Variants in NUDT3 observed in about 807,000 individuals in gnomAD.
The protein encoded by NUDT3 is nudix hydrolase 3, also known as diphosphoinositol polyphosphate phosphohydrolase 1.
In NUDT3, 9 loss-of-function variants were observed where a neutral mutation model predicts 23.6. The ratio of observed to expected loss-of-function variants is 0.38; its 90% CI spans 0.23 to 0.66. NUDT3 has a LOEUF of 0.66. Among genes scored for constraint, NUDT3 ranks in the 30% least tolerant of loss-of-function variants. The pLI, the probability that NUDT3 is intolerant of heterozygous loss-of-function variation, is 0.52. For missense variants in NUDT3, 172 were observed against 218.5 expected (o/e 0.79, Z 1.34); for synonymous variants, 86 against 82.6 (o/e 1.04, Z -0.22).
intron 1 of NUDT3, among the ~76,000 whole-genome samples, chr6:34,343,643 A>G (rs958363634): frequency 6.6e-6 from 1 of 152,186 alleles, no homozygotes; most frequent in African/African-American, 2.4e-5. Context: ...CACATTTAGA[A>G]GAAAACACAG....
chr6:34,359,846 T>G (rs1380467226), intron 1 of NUDT3, among the ~76,000 whole-genome samples: 1 of 152,178 alleles, frequency 6.6e-6, no homozygotes, highest in Non-Finnish European at 1.5e-5. Flanking sequence ...CCCACTAAAC[T>G]TCCACAGCAG....
At chr6:34,314,548 G>A (rs1308031142) in intron 2 of NUDT3, among the ~76,000 whole-genome samples, 13 of 146,242 alleles carry the variant, frequency 8.9e-5, no homozygotes, top group African/African-American at 2.8e-4. Flanking sequence ...AACAGAGTGA[G>A]ACTCTGTCTC....
intron 1 of NUDT3, among the ~76,000 whole-genome samples, chr6:34,369,520 G>C (rs904131416): frequency 6.6e-6 from 1 of 152,192 alleles, no homozygotes; most frequent in Non-Finnish European, 1.5e-5. Context: ...TGAAGTCACA[G>C]TTAAGGAGAG....
At chr6:34,300,786 C>T (rs1294186844) in intron 2 of NUDT3, among the ~76,000 whole-genome samples, 2 of 152,172 alleles carry the variant, frequency 1.3e-5, no homozygotes, top group African/African-American at 4.8e-5. Flanking sequence ...TGTTATTATT[C>T]GTAGCTGAAA....
Position 34,392,604 on chromosome 6 carries a change from C to T in NUDT3, c.-242G>A, listed in dbSNP as rs533537364. The T allele has an allele frequency of 3.3e-4, 96 of 291,678 alleles. No individual in the cohort carries two copies. The highest frequency in any genetic ancestry group is 1.9e-3 in the African/African-American group (84 of 45,224). The allele number at this position is 291,678 out of a possible 1,614,324, so 18.1% of individuals were successfully genotyped here. ...CTCCGCTGCCGCCAGGGCCGCCGCC[C>T]CCTCTGCCGCCGCCACCCCCGACGA... On this transcript the variant is annotated 5_prime_UTR_variant, in exon 1 of 5. Coordinates refer to ENST00000607016, the MANE Select transcript of NUDT3 (RefSeq NM_006703.4).
At chr6:34,338,001 T>C (rs1156319421) in intron 2 of NUDT3, among the ~76,000 whole-genome samples, 1 of 152,234 alleles carries the variant, frequency 6.6e-6, no homozygotes, top group African/African-American at 2.4e-5. Flanking sequence ...CAACTGGCCC[T>C]ACCACACTTA....
chr6:34,347,792 G>A (rs373647607), intron 1 of NUDT3, among the ~76,000 whole-genome samples: 1 of 151,846 alleles, frequency 6.6e-6, no homozygotes, highest in Admixed American at 6.6e-5. Context: ...GTAATTATAC[G>A]GAGTGAGAAA....
chr6:34,383,861 A>C (rs1006988026), intron 1 of NUDT3, among the ~76,000 whole-genome samples: 1 of 152,182 alleles, frequency 6.6e-6, no homozygotes, highest in African/African-American at 2.4e-5. Flanking sequence ...GGCAAACAGA[A>C]GGGAAAGCAG....
At chr6:34,335,596 A>G (rs890695475) in intron 2 of NUDT3, among the ~76,000 whole-genome samples, 6 of 151,914 alleles carry the variant, frequency 3.9e-5, no homozygotes, top group African/African-American at 1.4e-4. Flanking sequence ...TGAATAATTT[A>G]TTTCTGACTC....
At chr6:34,328,307 C>T (rs1230385466) in intron 2 of NUDT3, among the ~76,000 whole-genome samples, 2 of 152,130 alleles carry the variant, frequency 1.3e-5, no homozygotes, top group East Asian at 1.9e-4. Flanking sequence ...TATACATTTA[C>T]GGTGTACTGC....
At chr6:34,344,021 T>C (rs1025895911) in intron 1 of NUDT3, among the ~76,000 whole-genome samples, 68 of 152,130 alleles carry the variant, frequency 4.5e-4, no homozygotes, top group African/African-American at 1.5e-3. Context: ...TATAATTCAA[T>C]CAACCAAACA....
intron 2 of NUDT3, among the ~76,000 whole-genome samples, chr6:34,304,389 A>AC (rs1025510359): frequency 6.6e-6 from 1 of 151,556 alleles, no homozygotes; most frequent in Non-Finnish European, 1.5e-5. Context: ...ACATAGTGAG[A>AC]CCCCATATCG....
intron 2 of NUDT3, among the ~76,000 whole-genome samples, chr6:34,332,726 C>A (rs1581871364): frequency 6.6e-6 from 1 of 152,184 alleles, no homozygotes; most frequent in Non-Finnish European, 1.5e-5. Flanking sequence ...ATTTTTATAT[C>A]CATCAGGGGT....
In NUDT3 at chr6:34,373,527, C is replaced by T. The variant is rs750565177; in HGVS notation, c.99+18737G>A. ...AGGAGAGAACTCTGGTAACTTATAACGTAATGGGCTCAAAAGAGGCTATTT... is the reference window on the plus strand; with the variant it reads ...AGGAGAGAACTCTGGTAACTTATAATGTAATGGGCTCAAAAGAGGCTATTT... On this transcript the variant is annotated intron_variant, in intron 1 of 4. Coordinates refer to ENST00000607016, the MANE Select transcript of NUDT3 (RefSeq NM_006703.4). 5.3e-5 allele frequency among the ~76,000 whole-genome samples: 8 copies of T among 152,062 alleles called. No homozygotes were observed. The Middle Eastern group carries it at 0.01, about 194-fold the overall frequency.
Position 34,288,876 on chromosome 6 carries a change from G to A in NUDT3, c.396C>T (p.His132=), listed in dbSNP as rs112496371. Residue 132 remains histidine, a synonymous_variant, in exon 5 of 5, where the codon CAC becomes CAT. Coordinates refer to ENST00000607016, the MANE Select transcript of NUDT3 (RefSeq NM_006703.4). The stretch of plus-strand genomic sequence containing the variant: ...CAAAATATGATGCCTGCACGGGTTT[G>A]TGATACTGCAGCACTTTTATGGCGT... ...IEDAIKVLQY[H]KPVQASYFET... 3.1e-6 allele frequency: 5 copies of A among 1,614,054 alleles called. No individual in the cohort carries two copies. The highest frequency in any genetic ancestry group is 4.2e-6 in the Non-Finnish European group (5 of 1,179,964).
chr6:34,320,660 C>T (rs148815390), intron 2 of NUDT3, among the ~76,000 whole-genome samples: 2,421 of 152,090 alleles, frequency 0.016, 63 homozygotes, highest in African/African-American at 0.056. Flanking sequence ...ATGGTGAAAC[C>T]CCATTTCTAC....
At chr6:34,356,236 C>G (rs942659997) in intron 1 of NUDT3, among the ~76,000 whole-genome samples, 2 of 152,066 alleles carry the variant, frequency 1.3e-5, no homozygotes, top group Non-Finnish European at 2.9e-5. Context: ...AAATATCTTA[C>G]GTACCCACAA....
rs1365775558 is a variant in NUDT3, at chr6:34,362,276, T to TC, written c.100-20305dup. Among the ~76,000 whole-genome samples the TC allele has an allele frequency of 2.0e-5, 3 of 152,288 alleles. No homozygotes were observed. The East Asian group carries it at 5.8e-4, about 29-fold the overall frequency. Reference sequence around the variant, plus strand: ...CTCAGGCTAGAGTGCAGTGGCATGATCATAGCTCACTGCCACCTCAGCCTC... The same window carrying TC: ...CTCAGGCTAGAGTGCAGTGGCATGATCCATAGCTCACTGCCACCTCAGCCTC... On this transcript the variant is annotated intron_variant, in intron 1 of 4. Transcript: ENST00000607016.
chr6:34,295,664 C>CCAAT lies in NUDT3; in HGVS notation c.228_231dup (p.Gly78IlefsTer9). On this transcript the variant is annotated frameshift_variant, in exon 3 of 5. Transcript: ENST00000607016. LOFTEE classifies it high-confidence loss of function. ...ACCTCAAAAATTCCAACTAATCTTCCCAATGTCCCTTTTACTCCAGCCTAG... is the reference window on the plus strand; with the variant it reads ...ACCTCAAAAATTCCAACTAATCTTCCCAATCAATGTCCCTTTTACTCCAGCCTAG... The CCAAT allele has an allele frequency of 6.2e-7, 1 of 1,613,926 alleles. No individual in the cohort carries two copies. Among genetic ancestry groups the CCAAT allele is most frequent in the Middle Eastern group, 1.7e-4 (1 of 6,060 alleles).
Sources: allele counts gnomAD v4.1 joint callset (sites outside exome capture counted in the v4.1 genomes callset), GRCh38; gene constraint gnomAD v4.1.1; transcripts MANE v1.5; gene names NCBI Gene and HGNC (gene_info 2026-07-23, HGNC 2026-07-21).